The following CELF2 variants were observed in gnomAD, a reference collection of about 807,000 sequenced individuals.
CELF2 encodes CUGBP Elav-like family member 2, also known as CUG triplet repeat RNA-binding protein 2.
A neutral mutation model predicts 62.6 loss-of-function variants in CELF2; 8 were observed. The observed-to-expected ratio is 0.13, with a 90% confidence interval of 0.07 to 0.23. The LOEUF is 0.23. Among genes scored for constraint, CELF2 ranks in the 10% least tolerant of loss-of-function variants. The probability of loss-of-function intolerance (pLI) is 1.00; values close to 1 mark genes in which losing one functional copy is unlikely to be tolerated. For missense variants in CELF2, 333 were observed against 671.0 expected (o/e 0.50, Z 5.56); for synonymous variants, 258 against 250.0 (o/e 1.03, Z -0.30).
At chr10:11,040,930 C>T (rs1345081359) in intron 1 of CELF2, among the ~76,000 whole-genome samples, 8 of 152,228 alleles carry the variant, frequency 5.3e-5, no homozygotes, top group Non-Finnish European at 8.8e-5. Flanking sequence ...TCTATGGCCT[C>T]CTGCCATGAA....
At chr10:11,106,516 C>T (rs866742403) in intron 1 of CELF2, among the ~76,000 whole-genome samples, 2 of 152,210 alleles carry the variant, frequency 1.3e-5, no homozygotes, top group East Asian at 3.8e-4. Flanking sequence ...GGATTATAGG[C>T]GTGAGCCACT....
At chr10:10,523,645 T>C in the CELF2 span, among the ~76,000 whole-genome samples, 16 of 151,246 alleles carry the variant, frequency 1.1e-4, no homozygotes, top group African/African-American at 3.4e-4. Context: ...ATGAATCCTT[T>C]CAAATTCCAT....
At chr10:11,234,636 C>G (rs369904068) in intron 3 of CELF2, among the ~76,000 whole-genome samples, 9 of 142,012 alleles carry the variant, frequency 6.3e-5, no homozygotes, top group South Asian at 2.3e-4. Flanking sequence ...GAGCCGAGAT[C>G]GCGCCACTGC....
the CELF2 span, among the ~76,000 whole-genome samples, chr10:10,720,822 G>A: frequency 6.6e-6 from 1 of 152,188 alleles, no homozygotes; most frequent in Non-Finnish European, 1.5e-5. Context: ...GCTTTTGCCT[G>A]AGGCCGTTTT....
rs2053305866 is a variant in CELF2 at position 10,990,498 on chromosome 10, A to G, written c.89+70499A>G. On this transcript the variant is annotated intron_variant, in intron 2 of 13. Transcript: ENST00000636488. The surrounding 1 kb of genome is among the most constrained non-coding windows in gnomAD (Gnocchi z 4.6). ...GTAATCATTAAAAACAATAAACGTT[A>G]TTTTTAAGAGAATCATGTTCTATGT... 6.6e-6 allele frequency among the ~76,000 whole-genome samples: 1 copy of G among 152,144 alleles called. No homozygotes were observed. Among genetic ancestry groups the G allele is most frequent in the African/African-American group, 2.4e-5 (1 of 41,454 alleles).
chr10:11,201,092 C>T (rs570074769), intron 2 of CELF2, among the ~76,000 whole-genome samples: 3 of 152,188 alleles, frequency 2.0e-5, no homozygotes, highest in Non-Finnish European at 2.9e-5. Context: ...TTTTCTGAAA[C>T]GAAATTCTAA....
At chr10:10,492,216 A>G in the CELF2 span, among the ~76,000 whole-genome samples, 1 of 152,156 alleles carries the variant, frequency 6.6e-6, no homozygotes, top group Admixed American at 6.5e-5. Context: ...CTCTGATCAC[A>G]TCTCCATCTC....
the CELF2 span, among the ~76,000 whole-genome samples, chr10:10,665,085 G>A: frequency 6.6e-6 from 1 of 152,262 alleles, no homozygotes; most frequent in East Asian, 1.9e-4. Context: ...GCACTTTACA[G>A]GTTTATTTGG....
the CELF2 span, among the ~76,000 whole-genome samples, chr10:10,624,175 G>A: frequency 5.3e-5 from 8 of 152,274 alleles, no homozygotes; most frequent in East Asian, 1.9e-4. Flanking sequence ...CGTGGCCTCC[G>A]CTTCATTCTT....
At chr10:10,835,338 G>A (rs557814639) in intron 1 of CELF2, among the ~76,000 whole-genome samples, 2 of 151,564 alleles carry the variant, frequency 1.3e-5, no homozygotes, top group South Asian at 2.1e-4. Flanking sequence ...TAGCCCTCTG[G>A]CCTCAGTCTT....
At chr10:10,882,079 G>A (rs900596242) in intron 1 of CELF2, among the ~76,000 whole-genome samples, 8 of 152,290 alleles carry the variant, frequency 5.3e-5, no homozygotes, top group Non-Finnish European at 8.8e-5. Context: ...AAATGCAATC[G>A]TTACCATATC....
At chr10:10,600,796 A>G in the CELF2 span, among the ~76,000 whole-genome samples, 1 of 152,242 alleles carries the variant, frequency 6.6e-6, no homozygotes, top group Admixed American at 6.5e-5. Flanking sequence ...AGAACATACT[A>G]TATGGCACCA....
the CELF2 span, among the ~76,000 whole-genome samples, chr10:10,469,369 A>C: frequency 1.2e-4 from 18 of 152,062 alleles, no homozygotes; most frequent in South Asian, 3.1e-3. Context: ...GAAAGTGAAC[A>C]TCCTTGACAT....
At chr10:11,123,343 T>C (rs1424463122) in intron 1 of CELF2, among the ~76,000 whole-genome samples, 1 of 152,184 alleles carries the variant, frequency 6.6e-6, no homozygotes, top group Non-Finnish European at 1.5e-5. Context: ...CTCAAACTTC[T>C]GGACTCAAGA....
intron 2 of CELF2, among the ~76,000 whole-genome samples, chr10:11,195,292 A>T (rs1029434668): frequency 6.6e-6 from 1 of 152,154 alleles, no homozygotes; most frequent in African/African-American, 2.4e-5. Flanking sequence ...CACCAAGGAG[A>T]ACAGAAACAC....
intron 1 of CELF2, among the ~76,000 whole-genome samples, chr10:11,138,584 A>G (rs1463474256): frequency 6.6e-6 from 1 of 152,248 alleles, no homozygotes; most frequent in African/African-American, 2.4e-5. Context: ...CAAAGAATTT[A>G]TCATCGAACA....
chr10:11,073,959 G>A (rs1386803172), intron 1 of CELF2, among the ~76,000 whole-genome samples: 2 of 152,298 alleles, frequency 1.3e-5, no homozygotes, highest in East Asian at 3.9e-4. Flanking sequence ...CATAGAACTT[G>A]GAAGCTTTGA....
At chr10:11,012,887 T>C (rs2056699200), upstream of CELF2, among the ~76,000 whole-genome samples, 1 of 152,142 alleles carries the variant, frequency 6.6e-6, no homozygotes, top group Non-Finnish European at 1.5e-5. The surrounding 1 kb of genome is among the most constrained non-coding windows in gnomAD (Gnocchi z 5.5). Context: ...TTTTTTTTTT[T>C]CTGAGTGCCT....
At chr10:11,123,359 T>G (rs1430457728) in intron 1 of CELF2, among the ~76,000 whole-genome samples, 1 of 152,162 alleles carries the variant, frequency 6.6e-6, no homozygotes, top group Non-Finnish European at 1.5e-5. Flanking sequence ...CAAGAGATCC[T>G]CCTGCCTCAG....
Sources: allele counts gnomAD v4.1 joint callset (sites outside exome capture counted in the v4.1 genomes callset), GRCh38; gene constraint gnomAD v4.1.1; non-coding constraint Gnocchi (gnomAD v3.1); transcripts MANE v1.5; gene names NCBI Gene and HGNC (gene_info 2026-07-23, HGNC 2026-07-21).